Variants in AFF2 observed in about 807,000 individuals in gnomAD.
AFF2 encodes the protein AF4/FMR2 family member 2.
Under a neutral mutation model 76.9 loss-of-function variants are expected in AFF2, and 14 were observed. The ratio of observed to expected loss-of-function variants is 0.18; its 90% confidence interval spans 0.12 to 0.28. The LOEUF is 0.28. Ranked by LOEUF, AFF2 falls within the 10% of genes least tolerant of loss-of-function variation. The probability of loss-of-function intolerance (pLI) is 1.00; values close to 1 mark genes in which losing one functional copy is unlikely to be tolerated. For missense variants in AFF2, 868 were observed against 1,001.1 expected (o/e 0.87, Z 1.79); for synonymous variants, 398 against 366.7 (o/e 1.09, Z -0.98).
intron 1 of AFF2, among the ~76,000 whole-genome samples, chrX:148,613,679 CCCTGTGCTATAGTCT>C (rs2053756545): frequency 9.0e-6 from 1 of 111,407 alleles, no homozygotes; most frequent in Admixed American, 9.5e-5. Context: ...CCCTCATGAG[CCCTGTGCTATAGTCT>C]CCTGTTGTCA....
intron 4 of AFF2, among the ~76,000 whole-genome samples, chrX:148,833,807 G>A (rs1239771744): frequency 9.0e-6 from 1 of 111,007 alleles, no homozygotes; most frequent in Non-Finnish European, 1.9e-5. Flanking sequence ...CTACACACTA[G>A]GCAGGAGAGA....
chrX:148,783,882 T>A (rs1263257861), intron 3 of AFF2, among the ~76,000 whole-genome samples: 1 of 111,624 alleles, frequency 9.0e-6, no homozygotes, highest in East Asian at 2.8e-4. Context: ...GAACCAAGCA[T>A]CAGATTCTAC....
intron 1 of AFF2, among the ~76,000 whole-genome samples, chrX:148,576,382 T>C (rs1316592968): frequency 1.8e-5 from 2 of 111,794 alleles, no homozygotes; most frequent in Non-Finnish European, 3.8e-5. Context: ...GTGAAGATAT[T>C]AAACGTGAAG....
chrX:148,648,675 T>C (rs2037226384), intron 1 of AFF2, among the ~76,000 whole-genome samples: 1 of 110,774 alleles, frequency 9.0e-6, no homozygotes, highest in Admixed American at 9.6e-5. Flanking sequence ...ATGGAACTTG[T>C]TCTTCTTTCT....
Position 148,943,510 on chromosome X carries a change from G to A in AFF2, c.1398-10070G>A, listed in dbSNP as rs1054247431. On this transcript the variant is annotated intron_variant, in intron 9 of 20. Coordinates refer to ENST00000370460, the MANE Select transcript of AFF2 (RefSeq NM_002025.4). ...GCCTCTAGCTTGACAGTGTTTAGTC[G>A]ATGGTCACAGTAGCCTAGTGAATAG... Among the ~76,000 whole-genome samples the A allele has an allele frequency of 2.7e-5, 3 of 112,158 alleles. No homozygotes were observed. In the Admixed American group the frequency reaches 2.8e-4, roughly 11 times the overall value.
chrX:148,565,026 C>T (rs2053153765), intron 1 of AFF2, among the ~76,000 whole-genome samples: 1 of 111,761 alleles, frequency 8.9e-6, no homozygotes. Flanking sequence ...TGACACATTA[C>T]ATGGAATTGA....
At chrX:148,514,296 T>C (rs1334721219) in intron 1 of AFF2, among the ~76,000 whole-genome samples, 13 of 112,460 alleles carry the variant, frequency 1.2e-4, no homozygotes, top group African/African-American at 4.2e-4. Context: ...TTTTCTTATG[T>C]TTTGTCTTTC....
intron 9 of AFF2, among the ~76,000 whole-genome samples, chrX:148,953,364 G>A (rs1557286829): frequency 9.0e-6 from 1 of 111,654 alleles, no homozygotes; most frequent in Non-Finnish European, 1.9e-5. Flanking sequence ...GGAAAGCCAA[G>A]GAACTTGCAT....
chrX:148,971,140 T>C (rs1165663431), intron 15 of AFF2, among the ~76,000 whole-genome samples: 1 of 108,871 alleles, frequency 9.2e-6, no homozygotes, highest in Non-Finnish European at 1.9e-5. Flanking sequence ...TTTTTTTTTT[T>C]TTTTTGAAAA....
intron 4 of AFF2, among the ~76,000 whole-genome samples, chrX:148,814,933 C>A (rs1557272048): frequency 9.0e-6 from 1 of 111,513 alleles, no homozygotes; most frequent in Non-Finnish European, 1.9e-5. Context: ...CATAATCAAG[C>A]ACCTTTCAGT....
At chrX:148,837,557 A>G in intron 4 of AFF2, 90 bp from the exon 5 acceptor site, 2 of 521,604 alleles carry the variant, frequency 3.8e-6, no homozygotes, top group Non-Finnish European at 6.6e-6. Context: ...TTAAGTTAGT[A>G]TTTATAAAGG....
intron 1 of AFF2, among the ~76,000 whole-genome samples, chrX:148,618,788 C>G (rs1481597130): frequency 9.0e-6 from 1 of 111,375 alleles, no homozygotes; most frequent in Non-Finnish European, 1.9e-5. Flanking sequence ...TTCTGCTATT[C>G]GTAGAAGTGA....
intron 9 of AFF2, among the ~76,000 whole-genome samples, chrX:148,920,111 C>T (rs1292191066): frequency 2.7e-5 from 3 of 112,097 alleles, no homozygotes; most frequent in Non-Finnish European, 3.8e-5. Flanking sequence ...ATTGCCTAGA[C>T]ATTTTGTCTC....
At chrX:148,573,726 G>A (rs2053255643) in intron 1 of AFF2, among the ~76,000 whole-genome samples, 1 of 111,559 alleles carries the variant, frequency 9.0e-6, no homozygotes, top group South Asian at 3.7e-4. Context: ...TGCAGTCATG[G>A]AAACAAGTTT....
At chrX:148,693,119 G>C (rs1001437704) in intron 3 of AFF2, among the ~76,000 whole-genome samples, 1 of 110,638 alleles carries the variant, frequency 9.0e-6, no homozygotes, top group Non-Finnish European at 1.9e-5. Flanking sequence ...GGGTTTCACC[G>C]TATTAGCCAG....
At chrX:148,875,677 C>G (rs1207382922) in intron 7 of AFF2, among the ~76,000 whole-genome samples, 34 of 111,124 alleles carry the variant, frequency 3.1e-4, no homozygotes, top group Non-Finnish European at 2.5e-4. Context: ...TTACATATTC[C>G]TTATGCAAAA....
chrX:148,994,206 C>T lies in AFF2; in HGVS notation c.*2874C>T, dbSNP rs1049110593. On this transcript the variant is annotated 3_prime_UTR_variant, in exon 21 of 21. Transcript: ENST00000370460. Reference sequence around the variant, plus strand: ...CCCTGCAACTTGACCCAGGTAGGGCCACCACTACGCCTTCACTTGTCACCC... The same window carrying T: ...CCCTGCAACTTGACCCAGGTAGGGCTACCACTACGCCTTCACTTGTCACCC... 1 of 111,943 alleles carries T rather than the reference C, an allele frequency of 8.9e-6. No homozygotes were observed. Among genetic ancestry groups the T allele is most frequent in the Non-Finnish European group, 1.9e-5 (1 of 53,164 alleles). 9.2% of individuals were successfully genotyped at this position (111,943 alleles called of 1,213,427 possible).
In AFF2 at chrX:148,887,321, A is replaced by G. The variant is rs781797380; in HGVS notation, c.1359+1336A>G. Among the ~76,000 whole-genome samples the G allele has an allele frequency of 7.1e-5, 8 of 111,920 alleles. 1 individual carries two copies. The South Asian group carries it at 3.0e-3, about 42-fold the overall frequency. ...GTACACTTCATTTCCAAAAATTGTC[A>G]TTTCTCCTTCACACATTTAATACGC... On this transcript the variant is annotated intron_variant, in intron 8 of 20. Transcript: ENST00000370460.
chrX:148,546,302 A>C (rs1235020628), intron 1 of AFF2, among the ~76,000 whole-genome samples: 1 of 111,652 alleles, frequency 9.0e-6, no homozygotes, highest in Admixed American at 9.5e-5. Context: ...TTTGGGATTG[A>C]CACCTGCGCA....
Sources: allele counts gnomAD v4.1 joint callset (sites outside exome capture counted in the v4.1 genomes callset), GRCh38; gene constraint gnomAD v4.1.1; transcripts MANE v1.5; gene names NCBI Gene and HGNC (gene_info 2026-07-23, HGNC 2026-07-21).